Variants in DIP2C observed in about 807,000 individuals in gnomAD.
DIP2C encodes DIP2 acetate--CoA ligase C (putative).
In DIP2C, 33 loss-of-function variants were observed where a neutral mutation model predicts 192.4. The ratio of observed to expected loss-of-function variants is 0.17; its 90% CI spans 0.13 to 0.23. DIP2C has a LOEUF of 0.23. DIP2C is among the 10% of genes least tolerant of loss of function. DIP2C has a pLI of 1.00. For missense variants in DIP2C, 1,537 were observed against 2,110.1 expected (o/e 0.73, Z 5.32); for synonymous variants, 979 against 864.1 (o/e 1.13, Z -2.33).
At chr10:670,179 TAC>T (rs1346928415) in intron 1 of DIP2C, among the ~76,000 whole-genome samples, 1 of 152,064 alleles carries the variant, frequency 6.6e-6, no homozygotes, top group Admixed American at 6.5e-5. Context: ...CATGAACATG[TAC>T]ACGTGTGTAC....
At chr10:441,163 A>G (rs947945942) in intron 3 of DIP2C, 167 bp from the exon 4 acceptor site, 2 of 732,916 alleles carry the variant, frequency 2.7e-6, no homozygotes. Context: ...TAAAGACATT[A>G]AAATTCATTC....
intron 1 of DIP2C, among the ~76,000 whole-genome samples, chr10:511,732 C>T (rs1846025989): frequency 6.6e-6 from 1 of 152,210 alleles, no homozygotes; most frequent in South Asian, 2.1e-4. Flanking sequence ...GCTCTCTTCA[C>T]AGGGAGCACC....
At chr10:577,960 T>C (rs564928839) in intron 1 of DIP2C, among the ~76,000 whole-genome samples, 2 of 152,284 alleles carry the variant, frequency 1.3e-5, no homozygotes, top group Non-Finnish European at 2.9e-5. Flanking sequence ...AAAATCAGAT[T>C]ATTCTTGCAA....
At chr10:670,087 T>C (rs1031397882) in intron 1 of DIP2C, among the ~76,000 whole-genome samples, 1 of 151,930 alleles carries the variant, frequency 6.6e-6, no homozygotes, top group Non-Finnish European at 1.5e-5. Flanking sequence ...CACACACACA[T>C]GCATACACAC....
In DIP2C at chr10:434,965, CGTT is replaced by C. The variant is rs529514948; in HGVS notation, c.394+5903_394+5905del. Among the ~76,000 whole-genome samples, 128 of 152,184 alleles carry C rather than the reference CGTT, an allele frequency of 8.4e-4. No individual in the cohort carries two copies. The Middle Eastern group carries it at 0.01, about 12-fold the overall frequency. The stretch of plus-strand genomic sequence containing the variant: ...AAGTATAGTTTATTTTTGTTTTTGT[CGTT>C]GTTGTTTTTACATTTATCCTGCTTC... On this transcript the variant is annotated intron_variant, in intron 4 of 36. Transcript: ENST00000280886.
chr10:514,001 T>G lies in DIP2C; in HGVS notation c.86-27471A>C, dbSNP rs1485318557. 2.0e-5 allele frequency among the ~76,000 whole-genome samples: 3 copies of G among 152,304 alleles called. No individual in the cohort carries two copies. In the East Asian group the frequency reaches 5.8e-4, roughly 29 times the overall value. On this transcript the variant is annotated intron_variant, in intron 1 of 36. Coordinates refer to ENST00000280886, the MANE Select transcript of DIP2C (RefSeq NM_014974.3). ...AGTCTTGGCAATGTACAAATTCAGA[T>G]GTAGGATGCTCAGAAACCTTGAATT...
At chr10:532,003 G>A (rs760563639) in intron 1 of DIP2C, among the ~76,000 whole-genome samples, 6 of 152,032 alleles carry the variant, frequency 3.9e-5, no homozygotes, top group Admixed American at 6.5e-5. Context: ...AAAATACTTC[G>A]CCCAGAACCA....
At chr10:543,828 A>C (rs1803975637) in intron 1 of DIP2C, among the ~76,000 whole-genome samples, 1 of 152,266 alleles carries the variant, frequency 6.6e-6, no homozygotes, top group Non-Finnish European at 1.5e-5. Flanking sequence ...TCAAAGCTGC[A>C]CAACAATCAC....
At chr10:616,420 GATTTT>G (rs1853475897) in intron 1 of DIP2C, among the ~76,000 whole-genome samples, 4 of 152,190 alleles carry the variant, frequency 2.6e-5, no homozygotes, top group African/African-American at 9.6e-5. Context: ...GTTCATAAAA[GATTTT>G]CTTATTTTAG....
chr10:541,370 C>T (rs1178889657), intron 1 of DIP2C, among the ~76,000 whole-genome samples: 1 of 152,164 alleles, frequency 6.6e-6, no homozygotes, highest in African/African-American at 2.4e-5. Context: ...CCAGACACCA[C>T]AGCTTGACCT....
chr10:399,000 G>A (rs1290042507), intron 10 of DIP2C, 109 bp downstream of exon 10: 2 of 940,366 alleles, frequency 2.1e-6, no homozygotes, highest in African/African-American at 1.6e-5. Context: ...GCAACCGAAG[G>A]AAACCCAGGG....
chr10:507,973 A>G (rs1365233924), intron 1 of DIP2C, among the ~76,000 whole-genome samples: 1 of 152,136 alleles, frequency 6.6e-6, no homozygotes, highest in Non-Finnish European at 1.5e-5. Context: ...CATCAGCACC[A>G]TTTGTGCCTG....
intron 1 of DIP2C, among the ~76,000 whole-genome samples, chr10:573,958 T>C (rs970860443): frequency 6.6e-6 from 1 of 152,162 alleles, no homozygotes; most frequent in Non-Finnish European, 1.5e-5. Context: ...CTGCTCAGAT[T>C]CCAAACACGT....
At chr10:604,670 AGTTCT>A (rs1852340273) in intron 1 of DIP2C, among the ~76,000 whole-genome samples, 1 of 152,234 alleles carries the variant, frequency 6.6e-6, no homozygotes, top group African/African-American at 2.4e-5. Flanking sequence ...TTATCCAAAA[AGTTCT>A]CTAATTAAAT....
chr10:450,311 G>A (rs924197143), intron 3 of DIP2C, among the ~76,000 whole-genome samples: 14 of 152,296 alleles, frequency 9.2e-5, no homozygotes, highest in Middle Eastern at 3.4e-3. Context: ...CGACACAAGA[G>A]AGGTCCCACG....
At position 277,173 on chromosome 10, in the gene DIP2C, G is replaced by A; in HGVS notation, c.*152C>T. 2 of 1,177,154 alleles carry A rather than the reference G, an allele frequency of 1.7e-6. No homozygotes were observed. Among genetic ancestry groups the A allele is most frequent in the South Asian group, 3.2e-5 (2 of 62,536 alleles). The allele number at this position is 1,177,154 out of a possible 1,614,324, so 72.9% of individuals were successfully genotyped here. On this transcript the variant is annotated 3_prime_UTR_variant, in exon 37 of 37. Coordinates refer to ENST00000280886, the MANE Select transcript of DIP2C (RefSeq NM_014974.3). Reference sequence around the variant, plus strand: ...CACCCCCATGCCAATCGTGGCTGCTGTGAGAAGTCCTCTTCCTCCTCCTCT... The same window carrying A: ...CACCCCCATGCCAATCGTGGCTGCTATGAGAAGTCCTCTTCCTCCTCCTCT...
At chr10:307,662 G>T (rs1956383358) in intron 32 of DIP2C, among the ~76,000 whole-genome samples, 1 of 152,158 alleles carries the variant, frequency 6.6e-6, no homozygotes, top group African/African-American at 2.4e-5. Flanking sequence ...AAAGGTCAAA[G>T]AGAGAACATC....
intron 1 of DIP2C, among the ~76,000 whole-genome samples, chr10:526,415 C>T (rs1847055171): frequency 6.6e-6 from 1 of 151,650 alleles, no homozygotes; most frequent in Non-Finnish European, 1.5e-5. Flanking sequence ...AGGTTCATAC[C>T]ACTGTAGAGA....
At chr10:565,672 A>C (rs1447784132) in intron 1 of DIP2C, among the ~76,000 whole-genome samples, 1 of 152,196 alleles carries the variant, frequency 6.6e-6, no homozygotes, top group East Asian at 1.9e-4. Context: ...TTCATTTTTA[A>C]AGGTATATCA....
Sources: allele counts gnomAD v4.1 joint callset (sites outside exome capture counted in the v4.1 genomes callset), GRCh38; gene constraint gnomAD v4.1.1; transcripts MANE v1.5; gene names NCBI Gene and HGNC (gene_info 2026-07-23, HGNC 2026-07-21).